Variants in TTC31 observed in about 807,000 individuals in gnomAD.
TTC31 encodes the protein tetratricopeptide repeat protein 31.
Under a neutral mutation model 60.4 loss-of-function variants are expected in TTC31, and 59 were observed. The ratio of observed to expected loss-of-function variants is 0.98; its 90% CI spans 0.79 to 1.21. TTC31 has a LOEUF of 1.21. TTC31 is among the 50% of genes most tolerant of loss of function. TTC31 has a pLI of 0.00. For missense variants in TTC31, 672 were observed against 646.9 expected (o/e 1.04, Z -0.42); for synonymous variants, 225 against 249.6 (o/e 0.90, Z 0.93).
chr2:74,490,034 G>T lies in TTC31; in HGVS notation c.139G>T (p.Asp47Tyr). The T allele has an allele frequency of 6.4e-7, 1 of 1,558,300 alleles. No homozygotes were observed. The highest frequency in any genetic ancestry group is 1.2e-5 in the South Asian group (1 of 84,762). ...PEDYGEEDIV[D>Y]FLRRLVESDP... Reference sequence around the variant, plus strand: ...TCCCCTCCCCTCCCAGGACATAGTGGATTTTCTTCGACGGCTTGTGGAGAG... The same window carrying T: ...TCCCCTCCCCTCCCAGGACATAGTGTATTTTCTTCGACGGCTTGTGGAGAG... Residue 47 changes from aspartate to tyrosine, a missense_variant, in exon 3 of 13, where the codon GAT becomes TAT. By Grantham distance (160) the Asp-to-Tyr change is radical. Transcript: ENST00000233623.
rs1219694987 is a variant in TTC31, at chr2:74,490,013, C to A, written c.130-12C>A. On this transcript the variant is annotated splice_polypyrimidine_tract_variant and intron_variant, in intron 2 of 12. Coordinates refer to ENST00000233623, the MANE Select transcript of TTC31 (RefSeq NM_022492.6). ...CAACACCAGCCTCCCCTCCCCTCCC[C>A]TCCCCTCCCAGGACATAGTGGATTT... 2 of 1,518,624 alleles carry A rather than the reference C, an allele frequency of 1.3e-6. No individual in the cohort carries two copies. Among genetic ancestry groups the A allele is most frequent in the African/African-American group, 2.8e-5 (2 of 72,428 alleles). The allele number at this position is 1,518,624 out of a possible 1,614,324, so 94.1% of individuals were successfully genotyped here. A position where few individuals can be genotyped will look rare whatever the true frequency, so the allele number is the denominator to read the frequency against.
chr2:74,491,509 T>C lies in TTC31; in HGVS notation c.713T>C (p.Val238Ala), dbSNP rs201168146. 3.2e-4 allele frequency: 520 copies of C among 1,613,308 alleles called. No individual in the cohort carries two copies. Among genetic ancestry groups the C allele is most frequent in the South Asian group, 4.4e-4 (40 of 91,050 alleles). ...TCACTGGATCTATCTAGCACTTTTG[T>C]GTCTCTGGCTTTGCGCAAGGTTGGG... is the stretch of plus-strand genomic sequence containing the variant. Reference protein sequence around the residue: ...EDSLDLSSTFVSLALRKVGDW... With the variant: ...EDSLDLSSTFASLALRKVGDW... Residue 238 changes from valine to alanine, a missense_variant, in exon 8 of 13, where the codon GTG becomes GCG. Coordinates refer to ENST00000233623, the MANE Select transcript of TTC31 (RefSeq NM_022492.6).
chr2:74,490,785 G>C, intron 5 of TTC31, 46 bp downstream of exon 5: 2 of 1,570,724 alleles, frequency 1.3e-6, no homozygotes, highest in Non-Finnish European at 1.7e-6. Flanking sequence ...AAAGGGATTT[G>C]GGAGAGGGAA....
chr2:74,492,753 G>A lies in TTC31; in HGVS notation c.1263+6G>A, dbSNP rs746384196. 1 of 1,613,880 alleles carries A rather than the reference G, an allele frequency of 6.2e-7. No homozygotes were observed. Among genetic ancestry groups the A allele is most frequent in the South Asian group, 1.1e-5 (1 of 91,068 alleles). Reference sequence around the variant, plus strand: ...GCCTTCTCCACCTCACACTGGTAAGGGGGCCAGGCACACTGTCATGCTGAG... The same window carrying A: ...GCCTTCTCCACCTCACACTGGTAAGAGGGCCAGGCACACTGTCATGCTGAG... On this transcript the variant is annotated splice_donor_region_variant and intron_variant, in intron 12 of 12. Transcript: ENST00000233623.
chr2:74,483,930 AG>A (rs1672759923), intron 2 of TTC31, among the ~76,000 whole-genome samples: 1 of 137,860 alleles, frequency 7.3e-6, no homozygotes. Flanking sequence ...GGGAACGGTG[AG>A]ACTCTGTCTA....
intron 2 of TTC31, chr2:74,483,647 T>A (rs887794139): frequency 4.4e-6 from 6 of 1,360,882 alleles, no homozygotes; most frequent in Non-Finnish European, 5.7e-6. Context: ...CAAGGGTCTC[T>A]GAGTTGAGGA....
intron 2 of TTC31, among the ~76,000 whole-genome samples, chr2:74,485,469 C>CTT (rs367876253): frequency 4.3e-5 from 5 of 115,298 alleles, no homozygotes; most frequent in African/African-American, 1.5e-4. Flanking sequence ...AGCAGTATTT[C>CTT]TTTTTTTTTT....
Position 74,490,789 on chromosome 2 carries a change from G to C in TTC31, c.546+50G>C, listed in dbSNP as rs532719778. 5.8e-6 allele frequency: 9 copies of C among 1,552,714 alleles called. No individual in the cohort carries two copies. The African/African-American group carries it at 1.2e-4, about 21-fold the overall frequency. ...GCAGGGGAGCCAAAGGGATTTGGGAGAGGGAAAGAGGAAACTTTGTGGGAA... is the reference window on the plus strand; with the variant it reads ...GCAGGGGAGCCAAAGGGATTTGGGACAGGGAAAGAGGAAACTTTGTGGGAA... On this transcript the variant is annotated intron_variant, in intron 5 of 12. Transcript: ENST00000233623.
rs1673906369 is a variant in TTC31 at position 74,491,653 on chromosome 2, A to G, written c.857A>G (p.Gln286Arg). 2.5e-6 allele frequency: 4 copies of G among 1,614,060 alleles called. No individual in the cohort carries two copies. The highest frequency in any genetic ancestry group is 8.5e-7 in the Non-Finnish European group (1 of 1,180,012). ...AGCCCTCCAAGAGAGGAGAGGCCCC[A>G]GCAGAGTCCAAAGGTACAGGTGAGG... ...EESPPREERPQQSPKVQASPG... is the reference protein window; with the variant it reads ...EESPPREERPRQSPKVQASPG... Residue 286 changes from glutamine (Q) to arginine (R), a missense_variant, in exon 8 of 13, where the codon CAG becomes CGG. Gln to Arg is a conservative substitution (Grantham distance 43). Coordinates refer to ENST00000233623, the MANE Select transcript of TTC31 (RefSeq NM_022492.6).
chr2:74,483,372 C>G lies in TTC31; in HGVS notation c.91C>G (p.Leu31Val). 1 of 1,614,232 alleles carries G rather than the reference C, an allele frequency of 6.2e-7. No individual in the cohort carries two copies. Among genetic ancestry groups the G allele is most frequent in the African/African-American group, 1.3e-5 (1 of 75,056 alleles). ...ACTGGAGGTCGCTGCTGCACCCAAA[C>G]TTTGCAAGGAATTCGGTCCAGAGGA... The part of the protein sequence containing the change: ...CPLEVAAAPK[L>V]CKEFGPEDYG... The change falls in exon 2 of 13, where the codon CTT (leucine) becomes GTT (valine). Residue 31 changes from leucine to valine, a missense_variant. Physicochemically the swap from Leu to Val is conservative, Grantham distance 32. Transcript: ENST00000233623.
At chr2:74,486,551 A>G (rs1673127616) in intron 2 of TTC31, among the ~76,000 whole-genome samples, 1 of 152,162 alleles carries the variant, frequency 6.6e-6, no homozygotes. Context: ...AAAAAGCAAG[A>G]AGGAGGATAG....
rs141247342 is a variant in TTC31, at chr2:74,485,140, C to G, written c.129+1730C>G. Among the ~76,000 whole-genome samples, 440 of 151,634 alleles carry G rather than the reference C, an allele frequency of 2.9e-3. 3 individuals are homozygous for G. Among genetic ancestry groups the G allele is most frequent in the African/African-American group, 3.6e-3 (150 of 41,312 alleles). On this transcript the variant is annotated intron_variant, in intron 2 of 12. Transcript: ENST00000233623. Reference sequence around the variant, plus strand: ...CTCCCGGATTCAGGCAATTTTCCTGCCACAGCCTACTGAGTAGCTAAGATG... The same window carrying G: ...CTCCCGGATTCAGGCAATTTTCCTGGCACAGCCTACTGAGTAGCTAAGATG...
chr2:74,491,753 A>G (rs1458978063), intron 8 of TTC31, 81 bp downstream of exon 8: 2 of 1,530,314 alleles, frequency 1.3e-6, no homozygotes, highest in East Asian at 2.4e-5. Flanking sequence ...GGGTCTAAGG[A>G]TTGACACAGG....
At position 74,492,921 on chromosome 2, in the gene TTC31, G is replaced by A. The variant is rs758110347; in HGVS notation, c.1264-1G>A. 3.6e-5 allele frequency: 58 copies of A among 1,599,716 alleles called. No individual in the cohort carries two copies. Among genetic ancestry groups the A allele is most frequent in the Non-Finnish European group, 4.8e-5 (56 of 1,169,620 alleles). ...TGGTGCCCTTCTCTCTCCCTTCTCA[G>A]CAGGGTCAGCGAGGAGGAATCTGTG... On this transcript the variant is annotated splice_acceptor_variant, in intron 12 of 12. Coordinates refer to ENST00000233623, the MANE Select transcript of TTC31 (RefSeq NM_022492.6). LOFTEE classifies it high-confidence loss of function.
At chr2:74,485,959 C>T (rs1673058175) in intron 2 of TTC31, among the ~76,000 whole-genome samples, 1 of 151,972 alleles carries the variant, frequency 6.6e-6, no homozygotes, top group South Asian at 2.1e-4. Flanking sequence ...CCACTGCTAT[C>T]ACTGACAAGA....
chr2:74,489,729 G>T (rs923094905), intron 2 of TTC31, among the ~76,000 whole-genome samples: 1 of 152,164 alleles, frequency 6.6e-6, no homozygotes, highest in African/African-American at 2.4e-5. Context: ...AGGGGCCTCA[G>T]TGTGGCTAAC....
At chr2:74,490,501 G>A (rs758348049) in intron 4 of TTC31, 28 bp downstream of exon 4, 19 of 1,565,538 alleles carry the variant, frequency 1.2e-5, no homozygotes, top group Middle Eastern at 1.7e-4. Context: ...GGGCTTTGCC[G>A]TCCCCCAGGG....
chr2:74,490,769 G>T, intron 5 of TTC31, 30 bp downstream of exon 5: 1 of 1,594,724 alleles, frequency 6.3e-7, no homozygotes, highest in Non-Finnish European at 8.6e-7. Flanking sequence ...AGGGTGCAGG[G>T]GAGCCAAAGG....
rs776317356 is a variant in TTC31 at position 74,492,236 on chromosome 2, G to C, written c.1019+7G>C. 7 of 1,614,092 alleles carry C rather than the reference G, an allele frequency of 4.3e-6. No individual in the cohort carries two copies. The South Asian group carries it at 7.7e-5, about 18-fold the overall frequency. On this transcript the variant is annotated splice_region_variant and intron_variant, in intron 10 of 12. Transcript: ENST00000233623. The stretch of plus-strand genomic sequence containing the variant: ...TCAACCCCCAGGACCACCGGTAGGT[G>C]GGGGCTTGGCCAGGGCAGGGCAGAG...
Sources: allele counts gnomAD v4.1 joint callset (sites outside exome capture counted in the v4.1 genomes callset), GRCh38; gene constraint gnomAD v4.1.1; transcripts MANE v1.5; gene names NCBI Gene and HGNC (gene_info 2026-07-23, HGNC 2026-07-21).